Variants in TRPM5 observed in about 807,000 individuals in gnomAD.
TRPM5 encodes transient receptor potential cation channel subfamily M member 5, also known as MLSN1 and TRP-related.
TRPM5 carries 121 observed loss-of-function variants against 124.9 expected under a neutral mutation model. That is an observed-to-expected ratio of 0.97 (90% CI 0.84 to 1.13). The LOEUF (loss-of-function observed/expected upper bound fraction) is 1.13. TRPM5 is among the 50% of genes most tolerant of loss of function. The pLI is 0.00. For synonymous variants in TRPM5, 781 were observed against 700.5 expected, an observed-to-expected ratio of 1.11 and a Z score of -1.81; for missense variants, 1,643 against 1,589.1, an observed-to-expected ratio of 1.03 and a Z score of -0.58.
chr11:2,414,132 T>C (rs1363085089), exon 12 of TRPM5: 1 of 1,605,716 alleles, frequency 6.2e-7, no homozygotes, highest in Non-Finnish European at 8.5e-7. Flanking sequence ...GTGGTCTTGC[T>C]CCAGCAGCGG....
chr11:2,418,304 C>T, exon 6 of TRPM5: 1 of 1,572,348 alleles, frequency 6.4e-7, no homozygotes, highest in Non-Finnish European at 8.6e-7. Flanking sequence ...GCGATGCCCC[C>T]CGAGCCTACC....
intron 20 of TRPM5, 86 bp from the exon 26 acceptor site, chr11:2,406,879 C>A (rs1850333622): frequency 6.6e-7 from 1 of 1,524,946 alleles, no homozygotes; most frequent in Admixed American, 2.0e-5. Flanking sequence ...GCGAGGTGGG[C>A]CAGGCAGAAG....
At chr11:2,437,158 G>A in the TRPM5 span, among the ~76,000 whole-genome samples, 1 of 152,222 alleles carries the variant, frequency 6.6e-6, no homozygotes, top group Non-Finnish European at 1.5e-5. This position sits in a 1 kb window ranked among gnomAD's most constrained non-coding sequence, Gnocchi z 5.6. Flanking sequence ...GTGACAAAAA[G>A]GCTCTTTCAC....
At chr11:2,444,483 G>A in the TRPM5 span, among the ~76,000 whole-genome samples, 1 of 150,268 alleles carries the variant, frequency 6.7e-6, no homozygotes, top group African/African-American at 2.5e-5. Context: ...CAGAGCAGGC[G>A]GGCATCAGAA....
At chr11:2,425,236 G>T (rs1845829355), upstream of TRPM5, among the ~76,000 whole-genome samples, 1 of 152,190 alleles carries the variant, frequency 6.6e-6, no homozygotes, top group Admixed American at 6.5e-5. Context: ...TGATCTCATA[G>T]TTCTAGAGCC....
chr11:2,414,073 G>A (rs753120124), exon 12 of TRPM5: 159 of 1,382,104 alleles, frequency 1.2e-4, no homozygotes, highest in Non-Finnish European at 1.4e-4. Context: ...GAACGCCGTC[G>A]TGGGCAAAGA....
intron 8 of TRPM5, 56 bp from the exon 14 acceptor site, chr11:2,415,527 G>A: frequency 9.8e-6 from 12 of 1,229,640 alleles, no homozygotes; most frequent in Non-Finnish European, 1.3e-5. Context: ...CGAGAGACAG[G>A]AGGAGGGGGT....
chr11:2,441,103 A>G, the TRPM5 span, among the ~76,000 whole-genome samples: 1 of 152,198 alleles, frequency 6.6e-6, no homozygotes, highest in Non-Finnish European at 1.5e-5. This position sits in a 1 kb window ranked among gnomAD's most constrained non-coding sequence, Gnocchi z 7.2. Flanking sequence ...TGAGAGCCTG[A>G]GAGGCTGGGA....
At chr11:2,411,441 T>C (rs1565008548) in exon 18 of TRPM5, 3 of 1,612,270 alleles carry the variant, frequency 1.9e-6, no homozygotes, top group Non-Finnish European at 2.5e-6. Flanking sequence ...GCGGCCGTCA[T>C]GGGGGTGCAG....
At chr11:2,415,365 T>C (rs1845650404) in exon 9 of TRPM5, 2 of 1,588,638 alleles carry the variant, frequency 1.3e-6, no homozygotes, top group South Asian at 1.1e-5. Context: ...CAGCCGCCCA[T>C]ACGTCAGGAA....
rs540458443 is a variant in TRPM5 at position 2,406,246 on chromosome 11, A to G, written c.3252-155T>C. The G allele has an allele frequency of 1.5e-5, 12 of 780,348 alleles. No homozygotes were observed. The East Asian group carries it at 2.4e-4, about 15-fold the overall frequency. 48.3% of individuals were successfully genotyped at this position (780,348 alleles called of 1,614,324 possible). On this transcript the variant is annotated intron_variant, in intron 21 of 23. Transcript: ENST00000155858. ...CATGCCCAGATCTGGTGGCACCAGG[A>G]CCCCTCAAAGTGCACCTGGTGCAGT...
exon 10 of TRPM5, chr11:2,415,016 TGGCCCGTGGGCCGCTTGGCCG>T: frequency 1.2e-6 from 2 of 1,604,418 alleles, no homozygotes; most frequent in Non-Finnish European, 1.7e-6. Context: ...CAGCCACTTC[TGGCCCGTGGGCCGCTTGGCCG>T]GGCCCTTCTC....
intron 18 of TRPM5, among the ~76,000 whole-genome samples, chr11:2,409,107 T>G (rs1356010938): frequency 6.6e-6 from 1 of 152,102 alleles, no homozygotes; most frequent in Non-Finnish European, 1.5e-5. Flanking sequence ...CTGCCTTGTT[T>G]CTCCCGAGTG....
chr11:2,425,617 G>GCCCTGGGCGGTAGTCCTCA (rs1659925936), upstream of TRPM5, among the ~76,000 whole-genome samples: 1 of 55,052 alleles, frequency 1.8e-5, no homozygotes, highest in African/African-American at 7.4e-5. Context: ...TGTGCTTGTA[G>GCCCTGGGCGGTAGTCCTCA]CCCTGGGCGG....
chr11:2,413,057 G>A (rs751526678), intron 14 of TRPM5, 45 bp from the exon 20 acceptor site: 5 of 1,559,512 alleles, frequency 3.2e-6, no homozygotes, highest in Non-Finnish European at 3.5e-6. Flanking sequence ...GCGCCCAGCC[G>A]GGTGCCCCAC....
Position 2,411,983 on chromosome 11 carries a change from C to T in TRPM5, c.2474+152G>A, listed in dbSNP as rs537077343. The T allele has an allele frequency of 3.4e-5, 30 of 888,058 alleles. No homozygotes were observed. In the African/African-American group the frequency reaches 3.5e-4, roughly 10 times the overall value. 55.0% of individuals were successfully genotyped at this position (888,058 alleles called of 1,614,324 possible). ...GTGGCATGATCACGGCTTGCTGCTG[C>T]CTCAACTTCCCTGGCTCAAGTGACC... On this transcript the variant is annotated intron_variant, in intron 16 of 23. Coordinates refer to ENST00000155858, the Ensembl canonical transcript of TRPM5.
upstream of TRPM5, among the ~76,000 whole-genome samples, chr11:2,425,617 G>GCCCTGGGCAGGAGTCCTCA (rs1238133003): frequency 3.5e-3 from 192 of 55,082 alleles, no homozygotes; most frequent in African/African-American, 0.014. Context: ...TGTGCTTGTA[G>GCCCTGGGCAGGAGTCCTCA]CCCTGGGCGG....
intron 18 of TRPM5, among the ~76,000 whole-genome samples, chr11:2,410,035 T>C (rs1026351715): frequency 6.6e-6 from 1 of 151,986 alleles, no homozygotes; most frequent in Non-Finnish European, 1.5e-5. Flanking sequence ...CGTCTAGAGC[T>C]CCTCCTGCCC....
chr11:2,406,264 G>A, intron 21 of TRPM5, 173 bp from the exon 27 acceptor site: 3 of 706,948 alleles, frequency 4.2e-6, no homozygotes, highest in Non-Finnish European at 4.9e-6. Context: ...AAGTGCACCT[G>A]GTGCAGTACA....
Sources: allele counts gnomAD v4.1 joint callset (sites outside exome capture counted in the v4.1 genomes callset), GRCh38; gene constraint gnomAD v4.1.1; non-coding constraint Gnocchi (gnomAD v3.1); transcripts MANE v1.5; gene names NCBI Gene and HGNC (gene_info 2026-07-23, HGNC 2026-07-21).